Variants in SLC35G2 observed in about 807,000 individuals in gnomAD.
SLC35G2 encodes the protein transmembrane protein 22.
In SLC35G2, 20 loss-of-function variants were observed where a neutral mutation model predicts 27.2. The observed-to-expected ratio is 0.74, with a 90% CI of 0.52 to 1.07. SLC35G2 has a LOEUF of 1.07. Ranked by LOEUF, SLC35G2 falls within the 50% of genes least tolerant of loss-of-function variation. The pLI, the probability that SLC35G2 is intolerant of heterozygous loss-of-function variation, is 0.00. For missense variants in SLC35G2, 416 were observed against 493.3 expected (o/e 0.84, Z 1.48); for synonymous variants, 148 against 165.3 (o/e 0.90, Z 0.80).
intron 1 of SLC35G2, among the ~76,000 whole-genome samples, chr3:136,835,419 G>A (rs1409352956): frequency 6.8e-6 from 1 of 147,146 alleles, no homozygotes; most frequent in Admixed American, 6.9e-5. Flanking sequence ...AAGTGAAATT[G>A]TATTCTTCCA....
At chr3:136,838,435 G>A (rs1038819332) in intron 1 of SLC35G2, 1 of 152,000 alleles carries the variant, frequency 6.6e-6, no homozygotes, top group African/African-American at 2.4e-5. Context: ...GGTCTGAAAC[G>A]ATGGCATCTG....
chr3:136,822,717 C>T (rs528203530), intron 1 of SLC35G2, among the ~76,000 whole-genome samples: 2 of 152,346 alleles, frequency 1.3e-5, no homozygotes, highest in South Asian at 2.1e-4. Flanking sequence ...TTTCACTTAA[C>T]ATGATGACTT....
intron 1 of SLC35G2, among the ~76,000 whole-genome samples, chr3:136,839,731 C>G (rs1937010804): frequency 6.6e-6 from 1 of 152,174 alleles, no homozygotes; most frequent in African/African-American, 2.4e-5. Flanking sequence ...CTGTTGACTT[C>G]TAGAAGCTAC....
intron 1 of SLC35G2, among the ~76,000 whole-genome samples, chr3:136,826,081 G>C (rs1460492801): frequency 6.6e-6 from 1 of 151,364 alleles, no homozygotes; most frequent in Admixed American, 6.6e-5. Flanking sequence ...CTGTCGCCCA[G>C]CCTGGAGTAC....
At chr3:136,835,878 G>T (rs1936852466) in intron 1 of SLC35G2, among the ~76,000 whole-genome samples, 1 of 152,158 alleles carries the variant, frequency 6.6e-6, no homozygotes. Context: ...GCCAGCTCCT[G>T]TGTCCTTTTG....
chr3:136,854,319 CT>C (rs1247858275), intron 1 of SLC35G2, 123 bp from the exon 2 acceptor site: 6 of 646,482 alleles, frequency 9.3e-6, no homozygotes, highest in Non-Finnish European at 1.6e-5. Flanking sequence ...TCTCTAATTT[CT>C]TTTTTTTCTG....
At position 136,854,442 on chromosome 3, in the gene SLC35G2, G is replaced by T. The variant is rs775679695; in HGVS notation, c.-18-1G>T. On this transcript the variant is annotated splice_acceptor_variant, in intron 1 of 1. Coordinates refer to ENST00000446465, the MANE Select transcript of SLC35G2 (RefSeq NM_025246.3). LOFTEE classifies it low-confidence loss of function (5UTR_SPLICE). ...TTTTGTCAATTTTTTTCTTTAAATA[G>T]AATTGATTATCTGAAGAAATGGATA... 6.5e-6 allele frequency: 10 copies of T among 1,537,610 alleles called. No homozygotes were observed. The East Asian group carries it at 9.1e-5, about 14-fold the overall frequency.
intron 1 of SLC35G2, among the ~76,000 whole-genome samples, chr3:136,851,695 T>A (rs1937641889): frequency 6.6e-6 from 1 of 152,068 alleles, no homozygotes; most frequent in South Asian, 2.1e-4. Context: ...ATTGAGAGCC[T>A]GGCAGAGGAG....
chr3:136,844,289 A>G (rs976348633), intron 1 of SLC35G2, among the ~76,000 whole-genome samples: 1 of 151,766 alleles, frequency 6.6e-6, no homozygotes, highest in African/African-American at 2.4e-5. Context: ...GGAGATCGAG[A>G]CCATCCTGGC....
chr3:136,829,536 T>G (rs1936671705), intron 1 of SLC35G2, among the ~76,000 whole-genome samples: 1 of 152,168 alleles, frequency 6.6e-6, no homozygotes, highest in Non-Finnish European at 1.5e-5. Flanking sequence ...AGATTATTTT[T>G]CATTGCTGAT....
rs541873328 is a variant in SLC35G2, at chr3:136,841,557, C to T, written c.-18-12886C>T. On this transcript the variant is annotated intron_variant, in intron 1 of 1. Transcript: ENST00000446465. Reference sequence around the variant, plus strand: ...CAGCCTGACTAACATGGAGAAACCCCGTCTCTACTAAAAATATAAAAAAAT... The same window carrying T: ...CAGCCTGACTAACATGGAGAAACCCTGTCTCTACTAAAAATATAAAAAAAT... 3.9e-5 allele frequency among the ~76,000 whole-genome samples: 6 copies of T among 152,024 alleles called. No individual in the cohort carries two copies. In the South Asian group the frequency reaches 8.3e-4, roughly 21 times the overall value.
intron 1 of SLC35G2, among the ~76,000 whole-genome samples, chr3:136,832,106 C>T (rs559527500): frequency 1.5e-4 from 23 of 152,136 alleles, no homozygotes; most frequent in South Asian, 6.2e-4. Context: ...CTCTGCCTCC[C>T]GGGTTCATGC....
intron 1 of SLC35G2, among the ~76,000 whole-genome samples, chr3:136,840,893 G>T (rs1937062805): frequency 2.0e-5 from 3 of 150,166 alleles, no homozygotes; most frequent in Non-Finnish European, 1.5e-5. Flanking sequence ...AAAGTGCTGG[G>T]ATTACAGACG....
rs201805156 is a variant in SLC35G2 at position 136,823,702 on chromosome 3, TCTC to T, written c.-19+4077_-19+4079del. On this transcript the variant is annotated intron_variant, in intron 1 of 1. Coordinates refer to ENST00000446465, the MANE Select transcript of SLC35G2 (RefSeq NM_025246.3). ...CCGCCGCCTCCCAGGTTCAAACGATTCTCCTGCCTCAGCCTCCTGAGTAGCTGG... is the reference window on the plus strand; with the variant it reads ...CCGCCGCCTCCCAGGTTCAAACGATTCTGCCTCAGCCTCCTGAGTAGCTGG... 2.5e-3 allele frequency among the ~76,000 whole-genome samples: 386 copies of T among 152,028 alleles called. 3 individuals are homozygous for T. The highest frequency in any genetic ancestry group is 0.021 in the East Asian group (110 of 5,184).
At chr3:136,823,126 C>T (rs1296827577) in intron 1 of SLC35G2, among the ~76,000 whole-genome samples, 1 of 152,134 alleles carries the variant, frequency 6.6e-6, no homozygotes, top group Non-Finnish European at 1.5e-5. Context: ...GATGATATCT[C>T]ATTGTAGTTT....
In SLC35G2 at chr3:136,845,636, C is replaced by T. The variant is rs149546393; in HGVS notation, c.-18-8807C>T. ...TTTTTGAGACAGAGTCTCGCTCTGT[C>T]GCCAGGCTGGAGTCAGTGGCGCGAT... On this transcript the variant is annotated intron_variant, in intron 1 of 1. Coordinates refer to ENST00000446465, the MANE Select transcript of SLC35G2 (RefSeq NM_025246.3). 1.1e-3 allele frequency among the ~76,000 whole-genome samples: 160 copies of T among 149,846 alleles called. 1 individual carries two copies. The East Asian group carries it at 0.025, about 23-fold the overall frequency.
intron 1 of SLC35G2, among the ~76,000 whole-genome samples, chr3:136,831,135 T>C (rs1936720130): frequency 6.6e-6 from 1 of 152,224 alleles, no homozygotes; most frequent in Admixed American, 6.5e-5. Context: ...GCCACTGTTG[T>C]AAATGGGAGT....
At chr3:136,825,170 A>G (rs761384226) in intron 1 of SLC35G2, among the ~76,000 whole-genome samples, 1 of 151,858 alleles carries the variant, frequency 6.6e-6, no homozygotes, top group Admixed American at 6.6e-5. Context: ...TCCTTTTTCT[A>G]GATCTTGAAG....
chr3:136,826,028 TC>T (rs1560009961), intron 1 of SLC35G2, among the ~76,000 whole-genome samples: 1 of 66,588 alleles, frequency 1.5e-5, no homozygotes, highest in Non-Finnish European at 3.3e-5. Flanking sequence ...GCTTTTCTTT[TC>T]TTTATTTTAT....
Sources: allele counts gnomAD v4.1 joint callset (sites outside exome capture counted in the v4.1 genomes callset), GRCh38; gene constraint gnomAD v4.1.1; transcripts MANE v1.5; gene names NCBI Gene and HGNC (gene_info 2026-07-23, HGNC 2026-07-21).